Variants in GALNTL6 observed in about 807,000 individuals in gnomAD.
GALNTL6 encodes the protein polypeptide N-acetylgalactosaminyltransferase like 6.
GALNTL6 carries 46 observed loss-of-function variants against 73.7 expected under a neutral mutation model. The observed-to-expected ratio is 0.62, with a 90% CI of 0.49 to 0.80. The LOEUF (loss-of-function observed/expected upper bound fraction) is 0.80, where lower values mean the gene tolerates loss of function less well. Ranked by LOEUF, GALNTL6 falls within the 30% of genes least tolerant of loss-of-function variation. The pLI is 0.00. For missense variants in GALNTL6, 604 were observed against 755.0 expected, an observed-to-expected ratio of 0.80 and a Z score of 2.34; for synonymous variants, 259 against 263.7, an observed-to-expected ratio of 0.98 and a Z score of 0.17.
At chr4:172,810,862 G>A (rs1741256895) in intron 6 of GALNTL6, among the ~76,000 whole-genome samples, 1 of 152,130 alleles carries the variant, frequency 6.6e-6, no homozygotes, top group Admixed American at 6.6e-5. Flanking sequence ...CCTATATGGT[G>A]TTGAATACTC....
intron 2 of GALNTL6, among the ~76,000 whole-genome samples, chr4:171,914,832 G>T (rs1443383773): frequency 4.7e-5 from 7 of 148,748 alleles, no homozygotes; most frequent in African/African-American, 1.7e-4. Context: ...ACAAATTTTT[G>T]ATTCAATATT....
intron 7 of GALNTL6, among the ~76,000 whole-genome samples, chr4:172,865,320 C>A (rs566297161): frequency 6.6e-6 from 1 of 152,298 alleles, no homozygotes; most frequent in East Asian, 1.9e-4. Flanking sequence ...TCAAGATAAA[C>A]GCTGTTTGTT....
chr4:171,841,722 T>C (rs1735243063), intron 2 of GALNTL6, among the ~76,000 whole-genome samples: 1 of 104,382 alleles, frequency 9.6e-6, no homozygotes, highest in Non-Finnish European at 2.6e-5. Context: ...ATCAAAATGG[T>C]TAAAATAGTA....
intron 5 of GALNTL6, among the ~76,000 whole-genome samples, chr4:172,723,354 A>T (rs941201691): frequency 2.0e-5 from 3 of 152,178 alleles, no homozygotes; most frequent in Non-Finnish European, 4.4e-5. Context: ...GAATTTGAAT[A>T]CTGCCTCTCA....
chr4:172,528,987 G>GTT (rs1561123775), intron 5 of GALNTL6, among the ~76,000 whole-genome samples: 2 of 5,808 alleles, frequency 3.4e-4, no homozygotes, highest in Admixed American at 2.5e-3. Flanking sequence ...TTATACATAT[G>GTT]TGTGTATATA....
intron 12 of GALNTL6, among the ~76,000 whole-genome samples, chr4:173,035,915 G>C (rs948102292): frequency 6.6e-6 from 1 of 152,146 alleles, no homozygotes; most frequent in Admixed American, 6.5e-5. Context: ...GATGCTCCCT[G>C]ACTGAAAACA....
chr4:171,988,680 T>C (rs918244325), intron 2 of GALNTL6, among the ~76,000 whole-genome samples: 9 of 151,984 alleles, frequency 5.9e-5, no homozygotes, highest in Non-Finnish European at 1.2e-4. Context: ...AATGGGGGAA[T>C]GGTAAGGAGA....
intron 5 of GALNTL6, among the ~76,000 whole-genome samples, chr4:172,550,435 T>TA (rs1467136066): frequency 1.3e-5 from 2 of 152,172 alleles, no homozygotes; most frequent in Non-Finnish European, 2.9e-5. Context: ...AGAAGTTTGT[T>TA]AGAGATTTAT....
intron 7 of GALNTL6, among the ~76,000 whole-genome samples, chr4:172,872,264 G>A (rs751848605): frequency 2.0e-5 from 3 of 152,128 alleles, no homozygotes; most frequent in South Asian, 2.1e-4. Flanking sequence ...TCGTCAGGGC[G>A]GGGGAGAAAC....
At chr4:172,825,041 G>T in intron 7 of GALNTL6, among the ~76,000 whole-genome samples, 1 of 139,866 alleles carries the variant, frequency 7.1e-6, no homozygotes, top group Non-Finnish European at 1.5e-5. Context: ...TAAATCGGTG[G>T]GACAATTCTT....
intron 7 of GALNTL6, among the ~76,000 whole-genome samples, chr4:172,849,905 C>A (rs922626653): frequency 5.3e-5 from 8 of 152,154 alleles, no homozygotes; most frequent in African/African-American, 1.9e-4. Context: ...TATGCTCACT[C>A]AGGTTGTCGA....
chr4:172,365,905 A>G (rs752631176), intron 5 of GALNTL6, among the ~76,000 whole-genome samples: 14 of 152,050 alleles, frequency 9.2e-5, no homozygotes, highest in Non-Finnish European at 1.8e-4. Context: ...TGTTATGTGC[A>G]GACCCTGTCA....
chr4:172,381,955 G>C (rs1265837310), intron 5 of GALNTL6, among the ~76,000 whole-genome samples: 1 of 152,092 alleles, frequency 6.6e-6, no homozygotes, highest in East Asian at 1.9e-4. Flanking sequence ...TTTTTTCCAT[G>C]TCTTCATCTA....
At chr4:172,327,792 T>G (rs1478059907) in intron 4 of GALNTL6, among the ~76,000 whole-genome samples, 1 of 152,192 alleles carries the variant, frequency 6.6e-6, no homozygotes, top group Non-Finnish European at 1.5e-5. Context: ...TATCATTGCA[T>G]GTCAGATGGG....
intron 5 of GALNTL6, among the ~76,000 whole-genome samples, chr4:172,450,016 G>T (rs1732154148): frequency 6.6e-6 from 1 of 151,956 alleles, no homozygotes; most frequent in Admixed American, 6.6e-5. Flanking sequence ...CTGGGAGTAT[G>T]AGACCAACCT....
intron 5 of GALNTL6, among the ~76,000 whole-genome samples, chr4:172,798,814 T>C (rs1740435128): frequency 6.6e-6 from 1 of 152,234 alleles, no homozygotes; most frequent in African/African-American, 2.4e-5. Flanking sequence ...AATTTATGAA[T>C]GGGATTTTTC....
intron 2 of GALNTL6, among the ~76,000 whole-genome samples, chr4:172,176,336 T>TAAAAAAAAAAAAAAAAA (rs1560954690): frequency 2.3e-3 from 1 of 444 alleles, no homozygotes; most frequent in Non-Finnish European, 7.8e-3. Context: ...AGACTCCGTC[T>TAAAAAAAAAAAAAAAAA]CAAAAAAAAA....
chr4:172,800,336 G>A (rs559419799), intron 5 of GALNTL6, among the ~76,000 whole-genome samples: 131 of 152,238 alleles, frequency 8.6e-4, no homozygotes, highest in African/African-American at 2.9e-3. Context: ...ATAAGTTAGA[G>A]ATTTGTTCTC....
At chr4:172,953,285 A>T (rs1749549623) in intron 10 of GALNTL6, among the ~76,000 whole-genome samples, 1 of 152,172 alleles carries the variant, frequency 6.6e-6, no homozygotes, top group African/African-American at 2.4e-5. Flanking sequence ...CGTAGAATAG[A>T]GTGTGCTAAA....
Sources: gnomAD v4.1 joint callset for allele counts (sites outside exome capture counted in the v4.1 genomes callset) on GRCh38, gnomAD v4.1.1 for gene constraint, MANE v1.5 for transcripts, NCBI Gene and HGNC (gene_info 2026-07-23, HGNC 2026-07-21) for gene names.